The following TNFRSF8 variants were observed in gnomAD, a reference collection of about 807,000 sequenced individuals.
TNFRSF8 encodes the protein tumor necrosis factor receptor superfamily member 8.
In TNFRSF8, 26 loss-of-function variants were observed where a neutral mutation model predicts 70.8. The ratio of observed to expected loss-of-function variants is 0.37; its 90% confidence interval spans 0.27 to 0.51. The LOEUF (loss-of-function observed/expected upper bound fraction) is 0.51. TNFRSF8 is among the 20% of genes least tolerant of loss of function. TNFRSF8 has a pLI of 0.94. For synonymous variants in TNFRSF8, 356 were observed against 339.2 expected (o/e 1.05, Z -0.54); for missense variants, 720 against 807.9 (o/e 0.89, Z 1.32).
At position 12,110,182 on chromosome 1, in the gene TNFRSF8, G is replaced by C. The variant is rs61760049; in HGVS notation, c.654G>C (p.Val218=). The change falls in exon 6 of 15, where the codon GTG becomes GTC. Residue 218 remains valine (V), a synonymous_variant. Transcript: ENST00000263932. The surrounding 1 kb of genome is among the most constrained non-coding windows in gnomAD (Gnocchi z 4.0). ...GGGCTCCCGACTCTCCCTCCTCTGTGGGAAGGCCTAGTTCAGATCCAGGTA... is the reference window on the plus strand; with the variant it reads ...GGGCTCCCGACTCTCCCTCCTCTGTCGGAAGGCCTAGTTCAGATCCAGGTA... ...LTRAPDSPSS[V]GRPSSDPGLS... is the part of the protein sequence containing the mutation. 4 of 1,605,974 alleles carry C rather than the reference G, an allele frequency of 2.5e-6. No homozygotes were observed. The highest frequency in any genetic ancestry group is 1.7e-4 in the Middle Eastern group (1 of 6,020).
intron 1 of TNFRSF8, among the ~76,000 whole-genome samples, chr1:12,067,119 A>G (rs1056666746): frequency 3.9e-5 from 6 of 152,162 alleles, no homozygotes; most frequent in African/African-American, 1.4e-4. Flanking sequence ...AATATGACCC[A>G]GGATTAACTG....
chr1:12,122,434 G>C (rs55724340), intron 8 of TNFRSF8, among the ~76,000 whole-genome samples: 1 of 151,824 alleles, frequency 6.6e-6, no homozygotes, highest in Non-Finnish European at 1.5e-5. Context: ...ATCACTTGAG[G>C]TCAGGAGTTC....
At chr1:12,104,823 T>C (rs1025817865) in intron 4 of TNFRSF8, among the ~76,000 whole-genome samples, 9 of 152,134 alleles carry the variant, frequency 5.9e-5, no homozygotes, top group African/African-American at 2.2e-4. Context: ...TGATGCCCCA[T>C]AAACAAGAAG....
At position 12,108,721 on chromosome 1, in the gene TNFRSF8, G is replaced by A. The variant is rs898105465; in HGVS notation, c.422-845G>A. ...CCAGCTACTCAGGAGGCTGAGGCAG[G>A]AGAATTGCTTGAACCTGGGAGGCAG... On this transcript the variant is annotated intron_variant, in intron 4 of 14. Coordinates refer to ENST00000263932, the MANE Select transcript of TNFRSF8 (RefSeq NM_001243.5). The surrounding 1 kb of genome is among the most constrained non-coding windows in gnomAD (Gnocchi z 4.0). 2.0e-5 allele frequency among the ~76,000 whole-genome samples: 3 copies of A among 152,158 alleles called. No homozygotes were observed. The highest frequency in any genetic ancestry group is 7.2e-5 in the African/African-American group (3 of 41,440).
At chr1:12,067,323 A>G (rs964718893) in intron 1 of TNFRSF8, among the ~76,000 whole-genome samples, 2 of 152,110 alleles carry the variant, frequency 1.3e-5, no homozygotes, top group African/African-American at 4.8e-5. Flanking sequence ...TGTACCCCCA[A>G]TTCCAGCCAG....
At chr1:12,070,995 CT>C (rs934894550) in intron 1 of TNFRSF8, among the ~76,000 whole-genome samples, 28 of 152,088 alleles carry the variant, frequency 1.8e-4, no homozygotes, top group African/African-American at 6.5e-4. Context: ...CCAAGACCCC[CT>C]TTTTTTGGCC....
At chr1:12,080,162 T>C (rs991301187) in intron 1 of TNFRSF8, 1 of 434,668 alleles carries the variant, frequency 2.3e-6, no homozygotes, top group African/African-American at 2.0e-5. Context: ...TTGGCCAGGC[T>C]GGTCTTGAAC....
chr1:12,089,220 T>G (rs1033421408), intron 2 of TNFRSF8, among the ~76,000 whole-genome samples: 3 of 152,096 alleles, frequency 2.0e-5, no homozygotes, highest in Non-Finnish European at 2.9e-5. Context: ...TTCCTAACAC[T>G]CCTTCCATGT....
chr1:12,130,760 G>A (rs1642033464), intron 12 of TNFRSF8, among the ~76,000 whole-genome samples: 1 of 152,262 alleles, frequency 6.6e-6, no homozygotes, highest in Non-Finnish European at 1.5e-5. Context: ...TCCTGGACTT[G>A]TGTCCCTGGG....
intron 12 of TNFRSF8, among the ~76,000 whole-genome samples, chr1:12,135,167 T>A (rs1148470): frequency 0.67 from 101,658 of 151,410 alleles, 34,506 homozygotes; most frequent in East Asian, 0.77. Flanking sequence ...TACAAAAAAA[T>A]TAGCTGGGGT....
chr1:12,126,832 G>A (rs533698547), intron 12 of TNFRSF8, among the ~76,000 whole-genome samples: 4 of 152,372 alleles, frequency 2.6e-5, no homozygotes, highest in African/African-American at 9.6e-5. Context: ...CTGTGGATTC[G>A]TCGAGGTCGG....
At chr1:12,100,610 C>T (rs1200225197) in intron 3 of TNFRSF8, among the ~76,000 whole-genome samples, 8 of 151,694 alleles carry the variant, frequency 5.3e-5, no homozygotes, top group Non-Finnish European at 1.0e-4. Flanking sequence ...CCTACATTAT[C>T]CGAGGCCTAC....
rs1422502954 is a variant in TNFRSF8, at chr1:12,142,544, G to T, written c.*13G>T. On this transcript the variant is annotated 3_prime_UTR_variant, in exon 15 of 15. Transcript: ENST00000263932. The surrounding 1 kb of genome is among the most constrained non-coding windows in gnomAD (Gnocchi z 5.0). Reference sequence around the variant, plus strand: ...CTCTGGAAAGTGAGGCCTGGGCTGGGCTGGGGCTAGGAGGGCAGCAGGGTG... The same window carrying T: ...CTCTGGAAAGTGAGGCCTGGGCTGGTCTGGGGCTAGGAGGGCAGCAGGGTG... 22 of 1,556,742 alleles carry T rather than the reference G, an allele frequency of 1.4e-5. No homozygotes were observed. In the Admixed American group the frequency reaches 3.9e-4, roughly 27 times the overall value.
chr1:12,137,283 G>C (rs570422446), intron 13 of TNFRSF8, among the ~76,000 whole-genome samples: 1 of 151,660 alleles, frequency 6.6e-6, no homozygotes, highest in African/African-American at 2.4e-5. Context: ...TTCATTATTT[G>C]TACATAAAAT....
At chr1:12,075,739 C>A (rs80120101) in intron 1 of TNFRSF8, among the ~76,000 whole-genome samples, 1 of 152,204 alleles carries the variant, frequency 6.6e-6, no homozygotes, top group Non-Finnish European at 1.5e-5. Context: ...AGAGCAGGAG[C>A]GTCACCATCT....
intron 10 of TNFRSF8, among the ~76,000 whole-genome samples, chr1:12,124,162 G>A (rs184397316): frequency 1.3e-5 from 2 of 152,064 alleles, no homozygotes; most frequent in African/African-American, 2.4e-5. Flanking sequence ...TTGCCACCAC[G>A]CCTGGCTAAA....
chr1:12,073,276 CAG>C (rs1640879368), intron 1 of TNFRSF8, among the ~76,000 whole-genome samples: 1 of 152,100 alleles, frequency 6.6e-6, no homozygotes, highest in South Asian at 2.1e-4. Context: ...AACAAACAAA[CAG>C]ACAAACAAAA....
intron 4 of TNFRSF8, among the ~76,000 whole-genome samples, chr1:12,105,266 C>T (rs1175939030): frequency 3.9e-5 from 6 of 152,070 alleles, no homozygotes; most frequent in Admixed American, 1.3e-4. Context: ...GCCTGTGGTC[C>T]CTCCCCCAAC....
chr1:12,109,647 A>C lies in TNFRSF8; in HGVS notation c.503A>C (p.Glu168Ala). 1 of 1,613,590 alleles carries C rather than the reference A, an allele frequency of 6.2e-7. No homozygotes were observed. The highest frequency in any genetic ancestry group is 1.1e-5 in the South Asian group (1 of 91,082). Residue 168 changes from glutamate to alanine, a missense_variant, in exon 5 of 15, where the codon GAA (glutamate) becomes GCA (alanine). Physicochemically the swap from Glu to Ala is moderately radical, Grantham distance 107. Coordinates refer to ENST00000263932, the MANE Select transcript of TNFRSF8 (RefSeq NM_001243.5). The surrounding 1 kb of genome is among the most constrained non-coding windows in gnomAD (Gnocchi z 4.4). ...PACASPENCK[E>A]PSSGTIPQAK... is the part of the protein sequence containing the mutation. ...TGTGCCAGCCCAGAGAACTGCAAGGAACCCTCCAGGTGACTCCCTGGCTTT... is the reference window on the plus strand; with the variant it reads ...TGTGCCAGCCCAGAGAACTGCAAGGCACCCTCCAGGTGACTCCCTGGCTTT...
Sources: allele counts gnomAD v4.1 joint callset (sites outside exome capture counted in the v4.1 genomes callset), GRCh38; gene constraint gnomAD v4.1.1; non-coding constraint Gnocchi (gnomAD v3.1); transcripts MANE v1.5; gene names NCBI Gene and HGNC (gene_info 2026-07-23, HGNC 2026-07-21).